FAM107B: variants seen among roughly 807,000 people sequenced by gnomAD.
The protein encoded by FAM107B is family with sequence similarity 107 member B.
In FAM107B, 21 loss-of-function variants were observed where a neutral mutation model predicts 31.5. The observed-to-expected ratio is 0.67, with a 90% CI of 0.47 to 0.96. The LOEUF (loss-of-function observed/expected upper bound fraction) is 0.96. Ranked by LOEUF, FAM107B falls within the 40% of genes least tolerant of loss-of-function variation. FAM107B has a pLI of 0.00. For synonymous variants in FAM107B, 157 were observed against 141.5 expected (o/e 1.11, Z -0.78); for missense variants, 452 against 377.1 (o/e 1.20, Z -1.64).
intron 2 of FAM107B, among the ~76,000 whole-genome samples, chr10:14,641,213 A>C (rs1853619150): frequency 2.0e-5 from 3 of 152,166 alleles, no homozygotes; most frequent in Admixed American, 2.0e-4. Flanking sequence ...GGAAATTTCC[A>C]TTTCTAACAG....
At chr10:14,572,724 A>T (rs1475745815) in intron 2 of FAM107B, among the ~76,000 whole-genome samples, 34 of 50,574 alleles carry the variant, frequency 6.7e-4, no homozygotes, top group Admixed American at 1.2e-3. Flanking sequence ...CATCTCTTCA[A>T]AAAAAAAAAA....
At chr10:14,636,883 G>A (rs896891946) in intron 2 of FAM107B, among the ~76,000 whole-genome samples, 4 of 152,038 alleles carry the variant, frequency 2.6e-5, no homozygotes, top group Non-Finnish European at 5.9e-5. Flanking sequence ...CTTTATCTGC[G>A]GGTATCCTTC....
At position 14,574,812 on chromosome 10, in the gene FAM107B, A is replaced by G. The variant is rs548867770; in HGVS notation, c.470-44297T>C. Reference sequence around the variant, plus strand: ...CAACACAAGTCATATATGGCCCTATAAATTCTGTATGAAGATGGTGAAATC... The same window carrying G: ...CAACACAAGTCATATATGGCCCTATGAATTCTGTATGAAGATGGTGAAATC... On this transcript the variant is annotated intron_variant, in intron 2 of 4. Coordinates refer to ENST00000181796, the MANE Select transcript of FAM107B (RefSeq NM_031453.4). Among the ~76,000 whole-genome samples, 10 of 152,324 alleles carry G rather than the reference A, an allele frequency of 6.6e-5. No homozygotes were observed. In the South Asian group the frequency reaches 1.7e-3, roughly 25 times the overall value.
intron 2 of FAM107B, among the ~76,000 whole-genome samples, chr10:14,590,843 G>C (rs1851992595): frequency 6.6e-6 from 1 of 150,762 alleles, no homozygotes; most frequent in African/African-American, 2.4e-5. Context: ...CACAAAATTA[G>C]ATGGGTGTGG....
chr10:14,584,659 A>G (rs1158605574), intron 2 of FAM107B, among the ~76,000 whole-genome samples: 1 of 152,206 alleles, frequency 6.6e-6, no homozygotes, highest in Non-Finnish European at 1.5e-5. Flanking sequence ...GTGAGGCAGG[A>G]GAATAGGGGC....
At chr10:14,577,145 C>A (rs936158760) in intron 2 of FAM107B, among the ~76,000 whole-genome samples, 2 of 152,234 alleles carry the variant, frequency 1.3e-5, no homozygotes, top group African/African-American at 4.8e-5. Flanking sequence ...TGCCTCCTTG[C>A]CTCACAGGGC....
At chr10:14,580,654 G>A (rs1851606577) in intron 2 of FAM107B, among the ~76,000 whole-genome samples, 1 of 151,882 alleles carries the variant, frequency 6.6e-6, no homozygotes, top group Admixed American at 6.6e-5. Flanking sequence ...ATTCATTCAT[G>A]CCAAATAAAA....
At chr10:14,617,125 GA>G (rs1374467694) in intron 2 of FAM107B, among the ~76,000 whole-genome samples, 2 of 152,064 alleles carry the variant, frequency 1.3e-5, no homozygotes, top group African/African-American at 4.8e-5. Context: ...AGGAAATAAA[GA>G]GGCTGGAAAG....
At chr10:14,709,176 C>T (rs560823846) in intron 1 of FAM107B, among the ~76,000 whole-genome samples, 20 of 152,154 alleles carry the variant, frequency 1.3e-4, no homozygotes, top group Non-Finnish European at 1.9e-4. Context: ...CCATATGATT[C>T]GCAATTGCAC....
chr10:14,631,421 A>G (rs571880335), intron 2 of FAM107B, among the ~76,000 whole-genome samples: 96 of 152,348 alleles, frequency 6.3e-4, no homozygotes, highest in Non-Finnish European at 1.2e-3. Context: ...AGAAGAGATG[A>G]ACCAGTGTAT....
At chr10:14,628,102 T>A (rs1588667968) in intron 2 of FAM107B, among the ~76,000 whole-genome samples, 1 of 145,942 alleles carries the variant, frequency 6.9e-6, no homozygotes, top group African/African-American at 2.6e-5. Context: ...GTTTGTTTTT[T>A]GTTTTGCTGG....
chr10:14,695,001 T>C (rs1034033390), intron 1 of FAM107B, among the ~76,000 whole-genome samples: 1 of 152,170 alleles, frequency 6.6e-6, no homozygotes, highest in African/African-American at 2.4e-5. Context: ...CTTTTTAGTT[T>C]GATATAGTCC....
intron 2 of FAM107B, among the ~76,000 whole-genome samples, chr10:14,538,801 T>A (rs1847894393): frequency 6.6e-6 from 1 of 152,214 alleles, no homozygotes; most frequent in Non-Finnish European, 1.5e-5. Context: ...CCATAGTCCA[T>A]GGGAAGTTAT....
rs7069905 is a variant in FAM107B at position 14,679,633 on chromosome 10, C to T, written c.412-11942G>A. On this transcript the variant is annotated intron_variant, in intron 1 of 4. Transcript: ENST00000181796. ...ATGAACCCAGGCAAGATGACAAAAC[C>T]GAATTCAAGCTAAGGTGTTGTGATG... Among the ~76,000 whole-genome samples, 645 of 152,268 alleles carry T rather than the reference C, an allele frequency of 4.2e-3. 7 individuals carry two copies. Among genetic ancestry groups the T allele is most frequent in the African/African-American group, 0.014 (572 of 41,548 alleles).
In FAM107B at chr10:14,734,171, G is replaced by A. The variant is rs551703742; in HGVS notation, c.411+40082C>T. On this transcript the variant is annotated intron_variant, in intron 1 of 4. Transcript: ENST00000181796. ...TGAGATTACAATGTTACGATAACAA[G>A]GGTAATAAATGTCCTGCCACACATT... 2.6e-5 allele frequency among the ~76,000 whole-genome samples: 4 copies of A among 152,306 alleles called. No homozygotes were observed. The South Asian group carries it at 6.2e-4, about 24-fold the overall frequency.
rs749765043 is a variant in FAM107B at position 14,667,699 on chromosome 10, C to T, written c.412-8G>A. Reference sequence around the variant, plus strand: ...TTCTCGAAATTCTTCTTCCTAAGCGCCAGCCCCATAAACCAGAAAAGCAGG... The same window carrying T: ...TTCTCGAAATTCTTCTTCCTAAGCGTCAGCCCCATAAACCAGAAAAGCAGG... On this transcript the variant is annotated splice_region_variant and splice_polypyrimidine_tract_variant and intron_variant, in intron 1 of 4. Transcript: ENST00000181796. 1.2e-6 allele frequency: 2 copies of T among 1,614,024 alleles called. No homozygotes were observed. Among genetic ancestry groups the T allele is most frequent in the South Asian group, 2.2e-5 (2 of 91,060 alleles).
chr10:14,619,463 G>T (rs1356109775), intron 2 of FAM107B, among the ~76,000 whole-genome samples: 1 of 151,730 alleles, frequency 6.6e-6, no homozygotes, highest in African/African-American at 2.4e-5. Flanking sequence ...TGTGCTATTT[G>T]TCATCCATAT....
At chr10:14,625,246 T>A (rs1853126576) in intron 2 of FAM107B, among the ~76,000 whole-genome samples, 1 of 127,520 alleles carries the variant, frequency 7.8e-6, no homozygotes, top group Admixed American at 7.8e-5. Context: ...AAAAAAGGAA[T>A]GTCGTGTGCG....
At chr10:14,628,943 A>G (rs1853247045) in intron 2 of FAM107B, among the ~76,000 whole-genome samples, 1 of 151,908 alleles carries the variant, frequency 6.6e-6, no homozygotes, top group South Asian at 2.1e-4. Context: ...ACACAATAAA[A>G]CCAAATTTGT....
Sources: gnomAD v4.1 joint callset for allele counts (sites outside exome capture counted in the v4.1 genomes callset) on GRCh38, gnomAD v4.1.1 for gene constraint, MANE v1.5 for transcripts, NCBI Gene and HGNC (gene_info 2026-07-23, HGNC 2026-07-21) for gene names.